The following SLC12A9 variants were observed in gnomAD, a reference collection of about 807,000 sequenced individuals.
The protein encoded by SLC12A9 is CCC-interacting protein 1.
A neutral mutation model predicts 66.0 loss-of-function variants in SLC12A9; 55 were observed. The ratio of observed to expected loss-of-function variants is 0.83; its 90% CI spans 0.67 to 1.04. SLC12A9 has a LOEUF of 1.04. SLC12A9 is among the 50% of genes least tolerant of loss of function. The pLI, the probability that SLC12A9 is intolerant of heterozygous loss-of-function variation, is 0.00. For synonymous variants in SLC12A9, 577 were observed against 569.0 expected (o/e 1.01, Z -0.20); for missense variants, 1,061 against 1,241.9 (o/e 0.85, Z 2.19).
At chr7:100,831,358 G>A (rs889570829) in intron 1 of SLC12A9, among the ~76,000 whole-genome samples, 3 of 152,068 alleles carry the variant, frequency 2.0e-5, no homozygotes, top group African/African-American at 7.2e-5. Context: ...GGCTAATTTT[G>A]TATTTTTAGT....
chr7:100,845,254 C>T (rs192728762), intron 1 of SLC12A9, among the ~76,000 whole-genome samples: 48 of 150,144 alleles, frequency 3.2e-4, no homozygotes, highest in African/African-American at 1.1e-3. Flanking sequence ...CTGGACGGCC[C>T]CCACTAGGCT....
chr7:100,865,118 C>T (rs996465268), intron 13 of SLC12A9, among the ~76,000 whole-genome samples: 7 of 152,000 alleles, frequency 4.6e-5, no homozygotes, highest in African/African-American at 1.2e-4. Context: ...CCACAATGCC[C>T]GGCTAATTTT....
In SLC12A9 at chr7:100,832,417, G is replaced by T. The variant is rs1398905366; in HGVS notation, n.228+5370G>T. On this transcript the variant is annotated intron_variant and non_coding_transcript_variant, in intron 1 of 1. Coordinates refer to the SLC12A9 transcript ENST00000461016. The stretch of plus-strand genomic sequence containing the variant: ...GTCTCTCAGACACTGGGGAGGCCGA[G>T]GTGGGAGGATCACTGAGCCTGAGAG... 2.0e-5 allele frequency among the ~76,000 whole-genome samples: 3 copies of T among 152,130 alleles called. No individual in the cohort carries two copies. The East Asian group carries it at 5.8e-4, about 29-fold the overall frequency.
intron 7 of SLC12A9, 165 bp from the exon 8 acceptor site, chr7:100,859,720 A>C (rs752424296): frequency 2.4e-6 from 2 of 835,468 alleles, no homozygotes; most frequent in Admixed American, 2.9e-5. Context: ...CTTAAAAAAA[A>C]GGAAGGAATG....
At chr7:100,831,091 A>G (rs1473973827) in intron 1 of SLC12A9, among the ~76,000 whole-genome samples, 1 of 152,218 alleles carries the variant, frequency 6.6e-6, no homozygotes, top group Non-Finnish European at 1.5e-5. Flanking sequence ...CCCAGCCCAG[A>G]GCAATATACT....
intron 13 of SLC12A9, 198 bp from the exon 14 acceptor site, chr7:100,865,521 T>G: frequency 6.5e-7 from 1 of 1,543,630 alleles, no homozygotes; most frequent in Non-Finnish European, 8.7e-7. Flanking sequence ...GATAATAAAA[T>G]AAATGCATGT....
At chr7:100,850,989 A>AT (rs1188284834), upstream of SLC12A9, among the ~76,000 whole-genome samples, 5 of 152,094 alleles carry the variant, frequency 3.3e-5, no homozygotes, top group Admixed American at 3.3e-4. Context: ...AAGTGCTGGG[A>AT]TTACAGGCGT....
At chr7:100,852,041 T>A (rs1814102646), upstream of SLC12A9, among the ~76,000 whole-genome samples, 2 of 152,222 alleles carry the variant, frequency 1.3e-5, no homozygotes, top group Admixed American at 1.3e-4. Flanking sequence ...CAGGTGGTAC[T>A]GCTGTTCATG....
chr7:100,863,681 C>T lies in SLC12A9; in HGVS notation c.1858+854C>T, dbSNP rs531050691. Among the ~76,000 whole-genome samples the T allele has an allele frequency of 4.6e-5, 7 of 152,316 alleles. No individual in the cohort carries two copies. In the South Asian group the frequency reaches 1.0e-3, roughly 23 times the overall value. ...GTGGGGCGGACGTCTGTGGATGGAG[C>T]GGTAAATTCTCAGCTTTTAGCGCTG... On this transcript the variant is annotated intron_variant, in intron 13 of 13. Transcript: ENST00000354161.
rs199936736 is a variant in SLC12A9 at position 100,861,604 on chromosome 7, C to T, written c.1536+20C>T. ...CACCAGGTATGGGGAGCTGGTGGGG[C>T]GGTGGGGAAATGGGAGGTGGTCAAA... On this transcript the variant is annotated intron_variant, in intron 11 of 13. Coordinates refer to ENST00000354161, the MANE Select transcript of SLC12A9 (RefSeq NM_020246.4). The surrounding 1 kb of genome is among the most constrained non-coding windows in gnomAD (Gnocchi z 5.3). 5.5e-5 allele frequency: 88 copies of T among 1,609,702 alleles called. No individual in the cohort carries two copies. The highest frequency in any genetic ancestry group is 1.8e-4 in the Middle Eastern group (1 of 5,672).
At chr7:100,842,950 G>A (rs746069770) in intron 1 of SLC12A9, among the ~76,000 whole-genome samples, 13 of 152,368 alleles carry the variant, frequency 8.5e-5, no homozygotes, top group Admixed American at 2.0e-4. Context: ...TCCAGCTTCC[G>A]TCTCCCAACA....
chr7:100,860,526 G>C (rs2116624725), intron 9 of SLC12A9: 2 of 432,966 alleles, frequency 4.6e-6, no homozygotes, highest in South Asian at 2.4e-5. Flanking sequence ...GTATTTTTCA[G>C]TATTCACTGG....
At chr7:100,834,295 T>C (rs1384395950) in intron 1 of SLC12A9, among the ~76,000 whole-genome samples, 1 of 152,066 alleles carries the variant, frequency 6.6e-6, no homozygotes, top group East Asian at 1.9e-4. Flanking sequence ...ACAGTGACCA[T>C]GGGTGAACTG....
At chr7:100,839,488 G>A (rs909999897) in intron 1 of SLC12A9, among the ~76,000 whole-genome samples, 3 of 152,222 alleles carry the variant, frequency 2.0e-5, no homozygotes, top group African/African-American at 7.2e-5. Context: ...ATGGGGAAGC[G>A]AGGTGAATGG....
intron 4 of SLC12A9, 146 bp from the exon 5 acceptor site, chr7:100,856,722 G>A: frequency 1.3e-6 from 1 of 778,814 alleles, no homozygotes; most frequent in Non-Finnish European, 2.0e-6. Context: ...ATGTTGCCCA[G>A]GTTAGTTTTA....
chr7:100,865,340 G>C (rs569568404), intron 13 of SLC12A9: 1 of 1,535,856 alleles, frequency 6.5e-7, no homozygotes, highest in Non-Finnish European at 8.7e-7. Flanking sequence ...GCTGATCAGG[G>C]TGTCTGGTTT....
At position 100,854,732 on chromosome 7, in the gene SLC12A9, CG is replaced by C; in HGVS notation, c.295del (p.Val99CysfsTer9). Reference sequence around the variant, plus strand: ...TCTGTGCCATCGCCACCAATGGAGCCGTGCAGGGGGGCGGAGCCTACTGTAT... The same window carrying C: ...TCTGTGCCATCGCCACCAATGGAGCCTGCAGGGGGGCGGAGCCTACTGTAT... ...SVCAIATNGA[V>X]QGGGAYFMIS... On this transcript the variant is annotated frameshift_variant, in exon 3 of 14. Coordinates refer to ENST00000354161, the MANE Select transcript of SLC12A9 (RefSeq NM_020246.4). LOFTEE classifies it high-confidence loss of function. 1 of 1,613,992 alleles carries C rather than the reference CG, an allele frequency of 6.2e-7. No individual in the cohort carries two copies. The highest frequency in any genetic ancestry group is 8.5e-7 in the Non-Finnish European group (1 of 1,179,994).
At chr7:100,830,798 C>G (rs1052434694) in intron 1 of SLC12A9, among the ~76,000 whole-genome samples, 2 of 152,068 alleles carry the variant, frequency 1.3e-5, no homozygotes, top group Non-Finnish European at 2.9e-5. Context: ...ATGATTTCCC[C>G]TTTACGTGGA....
chr7:100,852,292 T>C (rs1814116488), upstream of SLC12A9, among the ~76,000 whole-genome samples: 1 of 152,166 alleles, frequency 6.6e-6, no homozygotes, highest in African/African-American at 2.4e-5. Context: ...TGGGACCCGG[T>C]GGAGGTTCTA....
Sources: allele counts gnomAD v4.1 joint callset (sites outside exome capture counted in the v4.1 genomes callset), GRCh38; gene constraint gnomAD v4.1.1; non-coding constraint Gnocchi (gnomAD v3.1); transcripts MANE v1.5; gene names NCBI Gene and HGNC (gene_info 2026-07-23, HGNC 2026-07-21).